ADAMTS18: variants seen among roughly 807,000 people sequenced by gnomAD.
ADAMTS18 encodes the protein ADAM metallopeptidase with thrombospondin type 1 motif 18, also known as A disintegrin and metalloproteinase with thrombospondin motifs 18.
Under a neutral mutation model 165.9 loss-of-function variants are expected in ADAMTS18, and 157 were observed. The observed-to-expected ratio is 0.95, with a 90% CI of 0.83 to 1.08. The LOEUF is 1.08. Among genes scored for constraint, ADAMTS18 ranks in the 50% least tolerant of loss-of-function variants. The probability of loss-of-function intolerance (pLI) is 0.00; values close to 1 mark genes in which losing one functional copy is unlikely to be tolerated. For missense variants in ADAMTS18, 2,040 were observed against 1,534.0 expected (o/e 1.33, Z -5.51); for synonymous variants, 782 against 578.2 (o/e 1.35, Z -5.06).
At chr16:77,325,770 CAA>C in intron 13 of ADAMTS18, 94 bp downstream of exon 13, 1 of 1,310,340 alleles carries the variant, frequency 7.6e-7, no homozygotes, top group Non-Finnish European at 1.1e-6. Context: ...GGTAAACATT[CAA>C]ACTCTTTGAT....
intron 3 of ADAMTS18, among the ~76,000 whole-genome samples, chr16:77,376,918 G>A (rs549561299): frequency 6.7e-6 from 1 of 149,526 alleles, no homozygotes; most frequent in South Asian, 2.1e-4. Context: ...AGGTTCAAGC[G>A]ATTCTTCTGC....
At chr16:77,343,173 A>G (rs2056425578) in intron 10 of ADAMTS18, among the ~76,000 whole-genome samples, 2 of 152,008 alleles carry the variant, frequency 1.3e-5, no homozygotes, top group African/African-American at 2.4e-5. Context: ...CCTGGGTTCA[A>G]GCAATTATCC....
At chr16:77,427,589 G>T in intron 3 of ADAMTS18, among the ~76,000 whole-genome samples, 1 of 152,260 alleles carries the variant, frequency 6.6e-6, no homozygotes, top group East Asian at 1.9e-4. Context: ...AGATTATAAG[G>T]CCACCTGGTA....
intron 3 of ADAMTS18, among the ~76,000 whole-genome samples, chr16:77,375,344 C>T (rs1041545477): frequency 6.6e-5 from 10 of 151,888 alleles, no homozygotes; most frequent in Non-Finnish European, 5.9e-5. Flanking sequence ...ATCGCACCAC[C>T]GCACTCCGGC....
chr16:77,387,769 G>A (rs1597210929), intron 3 of ADAMTS18, among the ~76,000 whole-genome samples: 1 of 152,282 alleles, frequency 6.6e-6, no homozygotes, highest in East Asian at 1.9e-4. Context: ...GAACTGAGAT[G>A]GCAGCCAATG....
At chr16:77,342,766 G>C (rs2056418052) in intron 10 of ADAMTS18, among the ~76,000 whole-genome samples, 1 of 152,186 alleles carries the variant, frequency 6.6e-6, no homozygotes, top group African/African-American at 2.4e-5. Flanking sequence ...TAGCAAAGGA[G>C]AATTAAAGTT....
At chr16:77,350,986 A>G (rs963458355) in intron 10 of ADAMTS18, among the ~76,000 whole-genome samples, 3 of 152,302 alleles carry the variant, frequency 2.0e-5, no homozygotes, top group East Asian at 3.9e-4. Context: ...ATGGGACAAT[A>G]AAAGCCCTGA....
intron 3 of ADAMTS18, among the ~76,000 whole-genome samples, chr16:77,380,378 A>C (rs2057013656): frequency 6.6e-6 from 1 of 152,224 alleles, no homozygotes; most frequent in South Asian, 2.1e-4. Context: ...TACTGAAATA[A>C]ACACTTAATG....
At position 77,297,328 on chromosome 16, in the gene ADAMTS18, G is replaced by C. The variant is rs773558299; in HGVS notation, c.2762C>G (p.Thr921Ser). ...GAAAGCGTTGCAGATTTTGGGCTCA[G>C]TTACTGGCTTGGTTTTTGCACTGCA... is the stretch of plus-strand genomic sequence containing the variant. ...SFCSAKTKPVTEPKICNAFSC... is the reference protein window; with the variant it reads ...SFCSAKTKPVSEPKICNAFSC... The change falls in exon 18 of 23, where the codon ACT becomes AGT. Residue 921 changes from threonine to serine, a missense_variant. Thr to Ser is a moderately conservative substitution (Grantham distance 58). Coordinates refer to ENST00000282849, the MANE Select transcript of ADAMTS18 (RefSeq NM_199355.4). 2 of 1,614,160 alleles carry C rather than the reference G, an allele frequency of 1.2e-6. No homozygotes were observed. Among genetic ancestry groups the C allele is most frequent in the South Asian group, 1.1e-5 (1 of 91,080 alleles).
Position 77,373,790 on chromosome 16 carries a change from G to C in ADAMTS18, c.496-6067C>G, listed in dbSNP as rs79471131. Among the ~76,000 whole-genome samples the C allele has an allele frequency of 5.1e-3, 781 of 152,228 alleles. 11 individuals are homozygous for C. The highest frequency in any genetic ancestry group is 0.018 in the African/African-American group (751 of 41,550). ...TCAGGTCACAGTTTACTGGCTTTAT[G>C]TCTATCTTCAATAAGGAAACAAAAT... On this transcript the variant is annotated intron_variant, in intron 3 of 22. Coordinates refer to ENST00000282849, the MANE Select transcript of ADAMTS18 (RefSeq NM_199355.4).
intron 16 of ADAMTS18, among the ~76,000 whole-genome samples, chr16:77,315,261 C>T (rs1328994784): frequency 6.6e-6 from 1 of 152,136 alleles, no homozygotes; most frequent in Non-Finnish European, 1.5e-5. Flanking sequence ...AACTATGAAA[C>T]TGGCACTTAG....
In ADAMTS18 at chr16:77,362,211, T is replaced by C. The variant is rs772354782; in HGVS notation, c.1110A>G (p.Gln370=). The C allele has an allele frequency of 5.0e-6, 8 of 1,614,168 alleles. No homozygotes were observed. Among genetic ancestry groups the C allele is most frequent in the South Asian group, 1.1e-5 (1 of 91,090 alleles). The change falls in exon 7 of 23, where the codon CAA becomes CAG. Residue 370 remains glutamine (Q), a synonymous_variant. Coordinates refer to ENST00000282849, the MANE Select transcript of ADAMTS18 (RefSeq NM_199355.4). ...HADQSLNSFC[Q]WQSALIGKNG... is the part of the protein sequence containing the mutation. ...TCTTTCCAATGAGGGCAGACTGCCATTGACAAAAACTATTCAGAGACTGGT... is the reference window on the plus strand; with the variant it reads ...TCTTTCCAATGAGGGCAGACTGCCACTGACAAAAACTATTCAGAGACTGGT...
At chr16:77,380,568 G>T (rs564703445) in intron 3 of ADAMTS18, among the ~76,000 whole-genome samples, 41 of 152,290 alleles carry the variant, frequency 2.7e-4, no homozygotes, top group Non-Finnish European at 5.7e-4. Flanking sequence ...CAAAATGGTT[G>T]ATATTCTTAA....
chr16:77,359,491 G>A, intron 7 of ADAMTS18, 68 bp from the exon 8 acceptor site: 1 of 1,323,716 alleles, frequency 7.6e-7, no homozygotes. Flanking sequence ...GATGATTTAT[G>A]TCCTCAAAAT....
intron 11 of ADAMTS18, 128 bp from the exon 12 acceptor site, chr16:77,336,032 G>C (rs1273426272): frequency 9.9e-6 from 11 of 1,112,538 alleles, no homozygotes; most frequent in Admixed American, 3.6e-5. Context: ...CTGATACCTT[G>C]ATAAATTCCT....
chr16:77,320,114 A>G, intron 15 of ADAMTS18, 21 bp from the exon 16 acceptor site: 1 of 1,613,986 alleles, frequency 6.2e-7, no homozygotes, highest in Non-Finnish European at 8.5e-7. Flanking sequence ...AGAAGAGAAC[A>G]TGTCTGAATT....
chr16:77,412,658 C>G lies in ADAMTS18; in HGVS notation c.495+18637G>C, dbSNP rs145554230. Among the ~76,000 whole-genome samples, 1,153 of 152,200 alleles carry G rather than the reference C, an allele frequency of 7.6e-3. 14 individuals carry two copies. The highest frequency in any genetic ancestry group is 0.026 in the African/African-American group (1,097 of 41,526). On this transcript the variant is annotated intron_variant, in intron 3 of 22. Coordinates refer to ENST00000282849, the MANE Select transcript of ADAMTS18 (RefSeq NM_199355.4). ...CAATCATGGTGGAAGGTGAAACGCA[C>G]GTCTTACATGGCAGCAGGCAAGAGA...
intron 12 of ADAMTS18, among the ~76,000 whole-genome samples, chr16:77,327,859 C>T (rs760653094): frequency 1.2e-4 from 18 of 152,148 alleles, no homozygotes; most frequent in African/African-American, 3.4e-4. Context: ...TTACATAGAA[C>T]GTCAGCACAC....
chr16:77,383,558 G>T (rs888459625), intron 3 of ADAMTS18, among the ~76,000 whole-genome samples: 1 of 151,600 alleles, frequency 6.6e-6, no homozygotes, highest in Non-Finnish European at 1.5e-5. Context: ...TGTTGTTGTT[G>T]TTGGAGACAG....
Sources: allele counts gnomAD v4.1 joint callset (sites outside exome capture counted in the v4.1 genomes callset), GRCh38; gene constraint gnomAD v4.1.1; transcripts MANE v1.5; gene names NCBI Gene and HGNC (gene_info 2026-07-23, HGNC 2026-07-21).